The following TEX9 variants were observed in gnomAD, a reference collection of about 807,000 sequenced individuals.
TEX9 encodes testis expressed 9.
In TEX9, 74 loss-of-function variants were observed where a neutral mutation model predicts 59.6. That is an observed-to-expected ratio of 1.24 (90% CI 1.03 to 1.51). The LOEUF is 1.51. TEX9 is among the 40% of genes most tolerant of loss of function. The pLI, the probability that TEX9 is intolerant of heterozygous loss-of-function variation, is 0.00. For missense variants in TEX9, 522 were observed against 447.8 expected (o/e 1.17, Z -1.49); for synonymous variants, 186 against 152.2 (o/e 1.22, Z -1.64).
At chr15:56,428,023 C>G (rs752907488) in intron 11 of TEX9, among the ~76,000 whole-genome samples, 51 of 152,014 alleles carry the variant, frequency 3.4e-4, no homozygotes, top group Non-Finnish European at 6.9e-4. Context: ...TAAAGAATGA[C>G]TATTAGGGGA....
At chr15:56,445,207 T>G (rs1220382899) in intron 12 of TEX9, among the ~76,000 whole-genome samples, 1 of 152,026 alleles carries the variant, frequency 6.6e-6, no homozygotes, top group Non-Finnish European at 1.5e-5. Flanking sequence ...TTAAAGGCCC[T>G]TTATCTGAAA....
chr15:56,434,610 A>C (rs1339354182), intron 12 of TEX9, among the ~76,000 whole-genome samples: 1 of 152,116 alleles, frequency 6.6e-6, no homozygotes, highest in Non-Finnish European at 1.5e-5. Flanking sequence ...CTCATGAACA[A>C]ATTTTAATTT....
At chr15:56,384,461 A>T (rs2047873764) in intron 4 of TEX9, among the ~76,000 whole-genome samples, 1 of 152,166 alleles carries the variant, frequency 6.6e-6, no homozygotes, top group Admixed American at 6.5e-5. Context: ...AGATGAGTAA[A>T]ATTCCAATTG....
chr15:56,305,387 G>C (rs190927643), intron 1 of TEX9, among the ~76,000 whole-genome samples: 35 of 152,190 alleles, frequency 2.3e-4, no homozygotes, highest in African/African-American at 8.2e-4. Flanking sequence ...ATATTACAGA[G>C]CTATTGTAAT....
At chr15:56,433,671 C>T (rs1380892581) in intron 12 of TEX9, among the ~76,000 whole-genome samples, 2 of 152,134 alleles carry the variant, frequency 1.3e-5, no homozygotes, top group Non-Finnish European at 2.9e-5. Flanking sequence ...AATGCTCTCA[C>T]TTGAATCGTC....
chr15:56,345,167 C>G (rs997590992), intron 1 of TEX9, among the ~76,000 whole-genome samples: 1 of 151,196 alleles, frequency 6.6e-6, no homozygotes, highest in Non-Finnish European at 1.5e-5. Flanking sequence ...TCTGGGAGAG[C>G]TTATCTCCTC....
chr15:56,416,853 G>A (rs2049709952), intron 10 of TEX9, among the ~76,000 whole-genome samples: 1 of 151,666 alleles, frequency 6.6e-6, no homozygotes, highest in Non-Finnish European at 1.5e-5. Context: ...TTTTTGATTG[G>A]TAGGCTATTT....
downstream of TEX9, chr15:56,445,895 C>T (rs144010118): frequency 3.3e-5 from 5 of 152,120 alleles, no homozygotes; most frequent in East Asian, 9.6e-4. Context: ...ATTGTTTGTG[C>T]TACTTTCTTT....
chr15:56,383,944 C>T lies in TEX9; in HGVS notation c.184-8C>T. ...ATATGATATATTACCTATCTTTACT[C>T]ATTTAAGAGAGATCGGCAAGAAGTA... On this transcript the variant is annotated splice_region_variant and splice_polypyrimidine_tract_variant and intron_variant, in intron 3 of 12. Transcript: ENST00000352903. The T allele has an allele frequency of 1.2e-6, 2 of 1,605,978 alleles. No homozygotes were observed. The highest frequency in any genetic ancestry group is 8.5e-7 in the Non-Finnish European group (1 of 1,175,366).
chr15:56,429,719 C>A (rs1766312978), intron 12 of TEX9: 1 of 152,138 alleles, frequency 6.6e-6, no homozygotes, highest in Non-Finnish European at 1.5e-5. Flanking sequence ...CAGTATACTG[C>A]AAAAGGCTCT....
intron 1 of TEX9, among the ~76,000 whole-genome samples, chr15:56,292,865 G>A (rs1053060851): frequency 1.4e-4 from 21 of 152,154 alleles, no homozygotes; most frequent in Admixed American, 1.3e-3. Flanking sequence ...CTTCCTGTGG[G>A]ATCAGGCTAT....
chr15:56,451,453 T>G, the TEX9 span, among the ~76,000 whole-genome samples: 2 of 152,168 alleles, frequency 1.3e-5, no homozygotes, highest in African/African-American at 2.4e-5. Context: ...CCAAATTTCT[T>G]ATAAAATTGG....
intron 1 of TEX9, among the ~76,000 whole-genome samples, chr15:56,267,654 T>A (rs2044419270): frequency 6.6e-6 from 1 of 152,216 alleles, no homozygotes; most frequent in South Asian, 2.1e-4. Flanking sequence ...GTGGTGTTAT[T>A]TCTGAGGGCT....
intron 1 of TEX9, among the ~76,000 whole-genome samples, chr15:56,318,327 C>A (rs1325411756): frequency 2.0e-5 from 3 of 152,012 alleles, no homozygotes; most frequent in Non-Finnish European, 2.9e-5. Flanking sequence ...TGCTCCAATT[C>A]TTTTTTGTTT....
intron 1 of TEX9, among the ~76,000 whole-genome samples, chr15:56,246,022 G>T (rs373605334): frequency 6.6e-6 from 1 of 152,150 alleles, no homozygotes; most frequent in Non-Finnish European, 1.5e-5. Flanking sequence ...AGTCATCGAG[G>T]GGGTAACGTA....
At chr15:56,322,812 A>C (rs11856691) in intron 1 of TEX9, among the ~76,000 whole-genome samples, 45,436 of 150,840 alleles carry the variant, frequency 0.3, 7,694 homozygotes, top group Middle Eastern at 0.47. Flanking sequence ...AGGAGTTAAT[A>C]TTTTAATACA....
intron 9 of TEX9, 41 bp from the exon 10 acceptor site, chr15:56,412,261 G>T: frequency 1.9e-6 from 3 of 1,547,998 alleles, no homozygotes; most frequent in South Asian, 1.2e-5. Context: ...GGGAAACTAT[G>T]ATATATTTAT....
chr15:56,428,688 T>A (rs2050448382), intron 12 of TEX9: 1 of 398,616 alleles, frequency 2.5e-6, no homozygotes, highest in African/African-American at 2.1e-5. Context: ...TTTTCATTTA[T>A]AATTCTCCTC....
intron 1 of TEX9, among the ~76,000 whole-genome samples, chr15:56,353,700 A>G (rs2046629346): frequency 6.6e-6 from 1 of 152,252 alleles, no homozygotes; most frequent in Non-Finnish European, 1.5e-5. Context: ...GGAATAAATC[A>G]GCATGAGGCA....
Sources: allele counts gnomAD v4.1 joint callset (sites outside exome capture counted in the v4.1 genomes callset), GRCh38; gene constraint gnomAD v4.1.1; transcripts MANE v1.5; gene names NCBI Gene and HGNC (gene_info 2026-07-23, HGNC 2026-07-21).